The following SNX18 variants were observed in gnomAD, a reference collection of about 807,000 sequenced individuals.
SNX18 encodes the protein sorting nexin 18.
In SNX18, 35 loss-of-function variants were observed where a neutral mutation model predicts 48.7. That is an observed-to-expected ratio of 0.72 (90% CI 0.55 to 0.95). SNX18 has a LOEUF of 0.95. SNX18 is among the 40% of genes least tolerant of loss of function. The pLI is 0.00. For missense variants in SNX18, 824 were observed against 871.0 expected (o/e 0.95, Z 0.68); for synonymous variants, 492 against 384.7 (o/e 1.28, Z -3.26).
chr5:54,621,219 G>A, the SNX18 span, among the ~76,000 whole-genome samples: 2 of 152,136 alleles, frequency 1.3e-5, no homozygotes, highest in Admixed American at 6.6e-5. Context: ...ATTTCCAGGT[G>A]CTAACTCAGA....
At chr5:54,645,930 C>G in the SNX18 span, 1 of 152,182 alleles carries the variant, frequency 6.6e-6, no homozygotes, top group Non-Finnish European at 1.5e-5. Flanking sequence ...TGTTTTTCCT[C>G]TCTTTATATT....
intron 1 of SNX18, among the ~76,000 whole-genome samples, chr5:54,527,377 C>T (rs1462165087): frequency 2.6e-5 from 4 of 151,710 alleles, no homozygotes; most frequent in Admixed American, 1.3e-4. Flanking sequence ...GGGTCCCCCT[C>T]CAGCTATATT....
At chr5:54,634,579 G>A in the SNX18 span, among the ~76,000 whole-genome samples, 4 of 150,690 alleles carry the variant, frequency 2.7e-5, no homozygotes, top group East Asian at 3.9e-4. Flanking sequence ...TGTATTTTAT[G>A]TGTGGCCCAG....
the SNX18 span, among the ~76,000 whole-genome samples, chr5:54,630,270 A>G: frequency 6.6e-6 from 1 of 152,216 alleles, no homozygotes. Flanking sequence ...GTCTTGGACT[A>G]CTTACACAGG....
At chr5:54,646,708 A>G in the SNX18 span, among the ~76,000 whole-genome samples, 1 of 152,210 alleles carries the variant, frequency 6.6e-6, no homozygotes, top group Admixed American at 6.5e-5. Context: ...TTATGCCAAG[A>G]TATGTGTTTA....
At chr5:54,535,162 T>C (rs1236959146) in intron 1 of SNX18, among the ~76,000 whole-genome samples, 2 of 152,224 alleles carry the variant, frequency 1.3e-5, no homozygotes. Flanking sequence ...ATATGTATTA[T>C]AAACAAAGAC....
Position 54,517,866 on chromosome 5 carries a change from C to A in SNX18, c.-87C>A. The stretch of plus-strand genomic sequence containing the variant: ...GCCTTCGGGGCTCCAGTCCGCGCGC[C>A]AGGGCTCGAGCAGTACCGCGGGCCC... On this transcript the variant is annotated 5_prime_UTR_variant, in exon 1 of 2. Transcript: ENST00000381410. 7.6e-7 allele frequency: 1 copy of A among 1,319,770 alleles called. No homozygotes were observed. The highest frequency in any genetic ancestry group is 9.7e-7 in the Non-Finnish European group (1 of 1,031,802). The allele number at this position is 1,319,770 out of a possible 1,614,324, so 81.8% of individuals were successfully genotyped here.
the SNX18 span, among the ~76,000 whole-genome samples, chr5:54,569,749 G>T: frequency 6.6e-6 from 1 of 152,130 alleles, no homozygotes; most frequent in South Asian, 2.1e-4. Context: ...CTCTAAGAGT[G>T]AGTGTTCTAC....
the SNX18 span, among the ~76,000 whole-genome samples, chr5:54,553,147 G>T: frequency 2.6e-5 from 4 of 152,256 alleles, no homozygotes; most frequent in South Asian, 6.2e-4. Context: ...AGGGTCCTAC[G>T]GGCTGCTCTG....
chr5:54,580,360 G>A, the SNX18 span, among the ~76,000 whole-genome samples: 1,382 of 152,234 alleles, frequency 9.1e-3, 23 homozygotes, highest in African/African-American at 0.032. Context: ...TAAAAAGCAT[G>A]AAATTTATTA....
the SNX18 span, among the ~76,000 whole-genome samples, chr5:54,624,675 G>A: frequency 1.3e-5 from 2 of 152,206 alleles, no homozygotes; most frequent in Non-Finnish European, 2.9e-5. Flanking sequence ...TATTTCAGCT[G>A]CTTCTTAGGT....
the SNX18 span, among the ~76,000 whole-genome samples, chr5:54,613,929 A>C: frequency 6.6e-6 from 1 of 152,154 alleles, no homozygotes; most frequent in African/African-American, 2.4e-5. Context: ...TCCCGACCTC[A>C]GGTGATCTGC....
chr5:54,609,646 C>G, the SNX18 span, among the ~76,000 whole-genome samples: 1 of 151,852 alleles, frequency 6.6e-6, no homozygotes, highest in Admixed American at 6.6e-5. Flanking sequence ...TGCAAAAGGG[C>G]TGAGATAAAA....
the SNX18 span, among the ~76,000 whole-genome samples, chr5:54,646,150 G>A: frequency 6.6e-6 from 1 of 152,094 alleles, no homozygotes; most frequent in Admixed American, 6.5e-5. Context: ...TGTGCATGCT[G>A]AAACCCCAAG....
At chr5:54,585,519 C>G in the SNX18 span, among the ~76,000 whole-genome samples, 1 of 152,070 alleles carries the variant, frequency 6.6e-6, no homozygotes. Flanking sequence ...CTTCTGCGAT[C>G]TTGAATGAAG....
intron 1 of SNX18, among the ~76,000 whole-genome samples, chr5:54,536,880 C>A (rs1363195927): frequency 6.6e-6 from 1 of 152,214 alleles, no homozygotes; most frequent in Non-Finnish European, 1.5e-5. Context: ...TCCACATCCT[C>A]TCCAGCACCT....
At chr5:54,562,481 A>G in the SNX18 span, among the ~76,000 whole-genome samples, 1 of 152,158 alleles carries the variant, frequency 6.6e-6, no homozygotes, top group Non-Finnish European at 1.5e-5. Flanking sequence ...AGCAGGCCCC[A>G]TGTAGGTTGG....
the SNX18 span, among the ~76,000 whole-genome samples, chr5:54,637,552 G>A: frequency 3.3e-5 from 5 of 152,062 alleles, no homozygotes; most frequent in African/African-American, 1.2e-4. Flanking sequence ...GTGGAAAGAG[G>A]GGCGCTAGAA....
chr5:54,536,386 C>G (rs1458397682), intron 1 of SNX18, among the ~76,000 whole-genome samples: 1 of 149,540 alleles, frequency 6.7e-6, no homozygotes, highest in Non-Finnish European at 1.5e-5. Context: ...CCCCCTCCCC[C>G]AACCCCACGA....
Sources: gnomAD v4.1 joint callset for allele counts (sites outside exome capture counted in the v4.1 genomes callset) on GRCh38, gnomAD v4.1.1 for gene constraint, MANE v1.5 for transcripts, NCBI Gene and HGNC (gene_info 2026-07-23, HGNC 2026-07-21) for gene names.